The following RBM6 variants were observed in gnomAD, a reference collection of about 807,000 sequenced individuals.
RBM6 encodes RNA binding motif protein 6.
Under a neutral mutation model 140.4 loss-of-function variants are expected in RBM6, and 23 were observed. The ratio of observed to expected loss-of-function variants is 0.16; its 90% CI spans 0.12 to 0.23. RBM6 has a LOEUF of 0.23. RBM6 is among the 10% of genes least tolerant of loss of function. The pLI, the probability that RBM6 is intolerant of heterozygous loss-of-function variation, is 1.00. For missense variants in RBM6, 1,139 were observed against 1,386.7 expected, an observed-to-expected ratio of 0.82 and a Z score of 2.84; for synonymous variants, 439 against 475.6, an observed-to-expected ratio of 0.92 and a Z score of 1.00.
At chr3:49,962,500 A>G in intron 1 of RBM6, 76 bp from the exon 2 acceptor site, 3 of 712,428 alleles carry the variant, frequency 4.2e-6, no homozygotes, top group Non-Finnish European at 7.2e-6. Context: ...GTCCCTCATA[A>G]ACCAAGCAGT....
intron 6 of RBM6, among the ~76,000 whole-genome samples, chr3:50,018,831 C>T (rs1021988616): frequency 4.0e-5 from 6 of 151,774 alleles, no homozygotes; most frequent in Admixed American, 2.6e-4. Flanking sequence ...CCTCGTGATT[C>T]GTCCACCTCG....
At chr3:49,951,187 G>A (rs2083712221) in intron 1 of RBM6, among the ~76,000 whole-genome samples, 1 of 152,138 alleles carries the variant, frequency 6.6e-6, no homozygotes, top group South Asian at 2.1e-4. Flanking sequence ...ATGGTGTGAG[G>A]GATGAATCAG....
intron 15 of RBM6, 79 bp from the exon 16 acceptor site, chr3:50,064,952 G>T (rs755689500): frequency 8.2e-7 from 1 of 1,221,710 alleles, no homozygotes; most frequent in African/African-American, 1.5e-5. Context: ...GATTATAGGC[G>T]TGAGCCACCG....
In RBM6 at chr3:49,949,174, AT is replaced by A. The variant is rs369829452; in HGVS notation, c.-67+8956del. Among the ~76,000 whole-genome samples the A allele has an allele frequency of 1.6e-4, 25 of 151,626 alleles. No individual in the cohort carries two copies. The East Asian group carries it at 2.4e-3, about 14-fold the overall frequency. On this transcript the variant is annotated intron_variant, in intron 1 of 20. Transcript: ENST00000266022. ...AATTATACAAGAATTTATTATTTTT[AT>A]TTTTTTCTTTTTAAATTCTTTAATC...
intron 17 of RBM6, among the ~76,000 whole-genome samples, chr3:50,068,289 C>T (rs1161223224): frequency 6.6e-6 from 1 of 152,164 alleles, no homozygotes; most frequent in African/African-American, 2.4e-5. Flanking sequence ...TCAGAGCAGT[C>T]TCTTGGAACC....
rs113412937 is a variant in RBM6 at position 50,070,063 on chromosome 3, A to G, written c.3019-392A>G. The stretch of plus-strand genomic sequence containing the variant: ...ACCAAGTGAGCTACTTTCACTTTAA[A>G]AGAAATAACAAGGCCGGGTGCGGTG... On this transcript the variant is annotated intron_variant, in intron 18 of 20. Coordinates refer to ENST00000266022, the MANE Select transcript of RBM6 (RefSeq NM_005777.3). Among the ~76,000 whole-genome samples the G allele has an allele frequency of 8.3e-4, 126 of 152,262 alleles. 2 individuals are homozygous for G. Among genetic ancestry groups the G allele is most frequent in the African/African-American group, 2.9e-3 (119 of 41,562 alleles).
At chr3:50,056,279 TA>T (rs1199490761) in intron 8 of RBM6, among the ~76,000 whole-genome samples, 2 of 151,966 alleles carry the variant, frequency 1.3e-5, no homozygotes, top group African/African-American at 4.8e-5. Flanking sequence ...AGCAAATGAA[TA>T]GATAGTTTTT....
intron 6 of RBM6, among the ~76,000 whole-genome samples, chr3:50,037,816 T>C (rs776430101): frequency 6.1e-5 from 9 of 148,680 alleles, no homozygotes; most frequent in Non-Finnish European, 1.3e-4. Flanking sequence ...TTTCTTTTCT[T>C]TCCTTTTTTT....
chr3:49,972,320 A>G (rs1047077418), intron 4 of RBM6, among the ~76,000 whole-genome samples, 172 bp downstream of exon 4: 1 of 152,246 alleles, frequency 6.6e-6, no homozygotes, highest in Non-Finnish European at 1.5e-5. Flanking sequence ...GTGGTATAGT[A>G]TCTAAACCAG....
At chr3:50,068,662 A>C in intron 17 of RBM6, 28 bp from the exon 18 acceptor site, 1 of 1,604,434 alleles carries the variant, frequency 6.2e-7, no homozygotes, top group South Asian at 1.1e-5. Flanking sequence ...TCTTAGACCT[A>C]TACTCATAGA....
rs1411969788 is a variant in RBM6 at position 49,967,985 on chromosome 3, G to A, written c.560G>A (p.Gly187Asp). 6.2e-7 allele frequency: 1 copy of A among 1,614,014 alleles called. No homozygotes were observed. Among genetic ancestry groups the A allele is most frequent in the Non-Finnish European group, 8.5e-7 (1 of 1,180,032 alleles). The stretch of plus-strand genomic sequence containing the variant: ...GGCACTTATGATTTAGATTTTAGAG[G>A]CCGGGATGGATCCCATGCAGATTTT... ...GRGTYDLDFR[G>D]RDGSHADFRG... Residue 187 changes from glycine to aspartate, a missense_variant, in exon 3 of 21, where the codon GGC becomes GAC. This residue lies in a region of RBM6 where 566 missense variants were observed against 612.7 expected (regional missense o/e 0.92). Coordinates refer to ENST00000266022, the MANE Select transcript of RBM6 (RefSeq NM_005777.3). The surrounding 1 kb of genome is among the most constrained non-coding windows in gnomAD (Gnocchi z 4.0).
At chr3:50,030,297 A>AAT (rs2088078212) in intron 6 of RBM6, among the ~76,000 whole-genome samples, 1 of 150,798 alleles carries the variant, frequency 6.6e-6, no homozygotes, top group African/African-American at 2.4e-5. Flanking sequence ...AAAAAAAAAA[A>AAT]AAAAAAAAAA....
chr3:50,059,839 A>G (rs1397102097), intron 11 of RBM6, 93 bp downstream of exon 11: 1 of 977,674 alleles, frequency 1.0e-6, no homozygotes, highest in Non-Finnish European at 1.5e-6. Flanking sequence ...GTAAAGCATG[A>G]TGTTTTCCTA....
intron 12 of RBM6, 46 bp from the exon 13 acceptor site, chr3:50,061,094 T>C (rs368187620): frequency 2.6e-5 from 42 of 1,613,096 alleles, no homozygotes; most frequent in Non-Finnish European, 3.4e-5. Flanking sequence ...TTAAGGTGAA[T>C]GACCATTGGA....
intron 7 of RBM6, among the ~76,000 whole-genome samples, chr3:50,049,233 C>T (rs955284813): frequency 1.1e-4 from 17 of 151,832 alleles, no homozygotes; most frequent in Non-Finnish European, 2.5e-4. Context: ...CCCAGCCTCC[C>T]GAGTAGCTAG....
chr3:49,974,304 C>T (rs999646528), intron 4 of RBM6, among the ~76,000 whole-genome samples: 10 of 152,006 alleles, frequency 6.6e-5, no homozygotes, highest in Non-Finnish European at 1.0e-4. Flanking sequence ...ACTACAGCCT[C>T]AAACTCCTGG....
At position 49,958,270 on chromosome 3, in the gene RBM6, A is replaced by G. The variant is rs373369876; in HGVS notation, c.-66-4306A>G. On this transcript the variant is annotated intron_variant, in intron 1 of 20. Transcript: ENST00000266022. ...GAAACCCCGTCTCTACTAAAAACAC[A>G]AAAGGCCGGGTGCGGTGGCTCACGC... Among the ~76,000 whole-genome samples, 266 of 146,788 alleles carry G rather than the reference A, an allele frequency of 1.8e-3. 1 individual carries two copies. Among genetic ancestry groups the G allele is most frequent in the African/African-American group, 6.5e-3 (255 of 39,098 alleles).
chr3:50,061,575 T>A, intron 14 of RBM6, 28 bp downstream of exon 14: 1 of 1,569,276 alleles, frequency 6.4e-7, no homozygotes, highest in Non-Finnish European at 8.6e-7. Context: ...TTTTTTTTTT[T>A]TTTTTTTTTA....
Position 49,967,512 on chromosome 3 carries a change from T to G in RBM6, c.87T>G (p.Asp29Glu). The G allele has an allele frequency of 6.2e-7, 1 of 1,614,094 alleles. No homozygotes were observed. Among genetic ancestry groups the G allele is most frequent in the South Asian group, 1.1e-5 (1 of 91,082 alleles). The change falls in exon 3 of 21, where the codon GAT becomes GAG. Residue 29 changes from aspartate to glutamate, a missense_variant. Transcript: ENST00000266022. The surrounding 1 kb of genome is among the most constrained non-coding windows in gnomAD (Gnocchi z 4.0). ...EERFAPGWNR[D>E]YPPPPLKSHA... ...GGTTTGCTCCCGGGTGGAACAGGGA[T>G]TATCCTCCTCCTCCCCTTAAGAGTC...
Sources: allele counts gnomAD v4.1 joint callset (sites outside exome capture counted in the v4.1 genomes callset), GRCh38; gene constraint gnomAD v4.1.1; regional missense constraint gnomAD v4.1.1; non-coding constraint Gnocchi (gnomAD v3.1); transcripts MANE v1.5; gene names NCBI Gene and HGNC (gene_info 2026-07-23, HGNC 2026-07-21).